Variants in SLC7A6OS observed in about 807,000 individuals in gnomAD.
The protein encoded by SLC7A6OS is solute carrier family 7 member 6 opposite strand.
In SLC7A6OS, 22 loss-of-function variants were observed where a neutral mutation model predicts 34.3. That is an observed-to-expected ratio of 0.64 (90% CI 0.46 to 0.92). SLC7A6OS has a LOEUF of 0.92. Ranked by LOEUF, SLC7A6OS falls within the 40% of genes least tolerant of loss-of-function variation. The pLI is 0.00. For synonymous variants in SLC7A6OS, 199 were observed against 165.0 expected, an observed-to-expected ratio of 1.21 and a Z score of -1.58; for missense variants, 434 against 407.7, an observed-to-expected ratio of 1.06 and a Z score of -0.56.
chr16:68,310,632 C>T lies in SLC7A6OS; in HGVS notation c.193-19G>A. The T allele has an allele frequency of 1.9e-6, 3 of 1,585,674 alleles. No homozygotes were observed. Among genetic ancestry groups the T allele is most frequent in the Non-Finnish European group, 2.6e-6 (3 of 1,162,540 alleles). On this transcript the variant is annotated intron_variant, in intron 1 of 4. Coordinates refer to ENST00000263997, the MANE Select transcript of SLC7A6OS (RefSeq NM_032178.3). ...GTTCCTCCTAGGGGGCAACAGGGGA[C>T]GGAGGCCAGCGTAAGCAGGAGTTCG... is the stretch of plus-strand genomic sequence containing the variant.
chr16:68,302,234 G>T, intron 4 of SLC7A6OS, 147 bp downstream of exon 4: 2 of 850,004 alleles, frequency 2.4e-6, no homozygotes, highest in South Asian at 1.6e-5. Context: ...ACTGGTCTTT[G>T]GGTCTCCTAC....
At position 68,307,613 on chromosome 16, in the gene SLC7A6OS, G is replaced by A. The variant is rs956611592; in HGVS notation, c.471+2722C>T. Among the ~76,000 whole-genome samples the A allele has an allele frequency of 2.0e-5, 3 of 152,066 alleles. No individual in the cohort carries two copies. In the East Asian group the frequency reaches 5.8e-4, roughly 29 times the overall value. Reference sequence around the variant, plus strand: ...AATAAATTTACATATGTAAAACATGGCTCCCATGCCATCCTGTTTTCCAAA... The same window carrying A: ...AATAAATTTACATATGTAAAACATGACTCCCATGCCATCCTGTTTTCCAAA... On this transcript the variant is annotated intron_variant, in intron 2 of 4. Transcript: ENST00000263997.
At position 68,310,407 on chromosome 16, in the gene SLC7A6OS, G is replaced by A. The variant is rs2043454807; in HGVS notation, c.399C>T (p.Asn133=). The change falls in exon 2 of 5, where the codon AAC becomes AAT. Residue 133 remains asparagine (N), a synonymous_variant. Transcript: ENST00000263997. ...CAAGGTCTAACAACTGAAAGCCCGA[G>A]TTCCCGGCGGCTTCTGGGTTCCCCG... ...YTPGNPEAAG[N]SGFQLLDLVH... is the part of the protein sequence containing the mutation. 6.2e-7 allele frequency: 1 copy of A among 1,611,632 alleles called. No homozygotes were observed. Among genetic ancestry groups the A allele is most frequent in the Admixed American group, 1.7e-5 (1 of 59,798 alleles).
intron 4 of SLC7A6OS, 35 bp downstream of exon 4, chr16:68,302,346 C>T: frequency 6.2e-7 from 1 of 1,612,982 alleles, no homozygotes; most frequent in Non-Finnish European, 8.5e-7. Context: ...GTCTCAGATC[C>T]TACCAGTCCC....
intron 2 of SLC7A6OS, among the ~76,000 whole-genome samples, chr16:68,309,228 A>C (rs2043366687): frequency 6.6e-6 from 1 of 151,964 alleles, no homozygotes; most frequent in Non-Finnish European, 1.5e-5. Context: ...CCCAGTAGCT[A>C]GGACTACAAG....
chr16:68,310,496 G>T lies in SLC7A6OS; in HGVS notation c.310C>A (p.Arg104=). The change falls in exon 2 of 5, where the codon CGG becomes AGG. Residue 104 remains arginine (R), a synonymous_variant. Coordinates refer to ENST00000263997, the MANE Select transcript of SLC7A6OS (RefSeq NM_032178.3). ...AREVRQEGRY[R]VLSSRRSLGT... ...AAGGATCGGCGGCTGGAAAGCACCC[G>T]GTAGCGGCCCTCCTGCCGGACCTCC... 1 of 1,587,044 alleles carries T rather than the reference G, an allele frequency of 6.3e-7. No individual in the cohort carries two copies.
chr16:68,301,626 C>G (rs1349631256), intron 4 of SLC7A6OS: 1 of 380,632 alleles, frequency 2.6e-6, no homozygotes, highest in East Asian at 4.4e-5. Flanking sequence ...TGTCACTTCT[C>G]CCCTCCGTGG....
chr16:68,303,354 T>C (rs113330974), intron 3 of SLC7A6OS, among the ~76,000 whole-genome samples: 4 of 151,944 alleles, frequency 2.6e-5, no homozygotes, highest in African/African-American at 7.2e-5. Flanking sequence ...GGTGGATCAC[T>C]TGAGCCCAGG....
At chr16:68,308,602 G>A (rs748729116) in intron 2 of SLC7A6OS, among the ~76,000 whole-genome samples, 1 of 152,134 alleles carries the variant, frequency 6.6e-6, no homozygotes, top group Non-Finnish European at 1.5e-5. Context: ...ACTACAGCCT[G>A]GGCGACAAGG....
Position 68,301,084 on chromosome 16 carries a change from G to GT in SLC7A6OS, c.*190dup, listed in dbSNP as rs1328615207. ...TTGATTGAGGCAAAGGGGTCCTACT[G>GT]TAAGTGGAAAAGACTCACTCCCCTA... On this transcript the variant is annotated 3_prime_UTR_variant, in exon 5 of 5. Coordinates refer to ENST00000263997, the MANE Select transcript of SLC7A6OS (RefSeq NM_032178.3). 1.0e-5 allele frequency: 13 copies of GT among 1,290,230 alleles called. No homozygotes were observed. Among genetic ancestry groups the GT allele is most frequent in the South Asian group, 2.6e-5 (1 of 38,668 alleles). The allele number at this position is 1,290,230 out of a possible 1,614,324, so 79.9% of individuals were successfully genotyped here.
chr16:68,310,590 C>A lies in SLC7A6OS; in HGVS notation c.216G>T (p.Leu72=). The change falls in exon 2 of 5, where the codon CTG becomes CTT. Residue 72 remains leucine, a synonymous_variant. Transcript: ENST00000263997. ...CSQEEPVQPL[L]REVLRPSRDS... is the part of the protein sequence containing the mutation. ...CCCGTGACGGGCGCAGAACTTCCCG[C>A]AGGAGAGGCTGGACTGGTTCCTCCT... 2 of 1,596,108 alleles carry A rather than the reference C, an allele frequency of 1.3e-6. No individual in the cohort carries two copies. Among genetic ancestry groups the A allele is most frequent in the South Asian group, 2.2e-5 (2 of 89,844 alleles).
Position 68,302,500 on chromosome 16 carries a change from A to T in SLC7A6OS, c.680T>A (p.Val227Glu), listed in dbSNP as rs1185387870. 10 of 1,614,060 alleles carry T rather than the reference A, an allele frequency of 6.2e-6. No individual in the cohort carries two copies. The highest frequency in any genetic ancestry group is 8.5e-6 in the Non-Finnish European group (10 of 1,180,004). Residue 227 changes from valine (V) to glutamate (E), a missense_variant and splice_region_variant, in exon 4 of 5, where the codon GTG becomes GAG. Transcript: ENST00000263997. ...GTCCTCTGGTTCTTGATCATCATTC[A>T]CCTACACATCTCAACACAAACATGA... ...VQPYSQEWEL[V>E]NDDQEPEDIY...
chr16:68,307,394 C>T (rs997037709), intron 2 of SLC7A6OS, among the ~76,000 whole-genome samples: 2 of 152,136 alleles, frequency 1.3e-5, no homozygotes, highest in Non-Finnish European at 1.5e-5. Context: ...TTAAAAGGAA[C>T]TGAAGTCCTT....
At position 68,310,534 on chromosome 16, in the gene SLC7A6OS, C is replaced by T. The variant is rs371334923; in HGVS notation, c.272G>A (p.Arg91His). ...CTGCCGGACCTCCCGAGCCGAGGCG[C>T]GGAGATTACGGCGGACACGCTGCTG... ...DSQQRVRRNL[R>H]ASAREVRQEG... The change falls in exon 2 of 5, where the codon CGC becomes CAC. Residue 91 changes from arginine (R) to histidine (H), a missense_variant. Arg to His is a conservative substitution (Grantham distance 29, BLOSUM62 0). Coordinates refer to ENST00000263997, the MANE Select transcript of SLC7A6OS (RefSeq NM_032178.3). 18 of 1,582,498 alleles carry T rather than the reference C, an allele frequency of 1.1e-5. No homozygotes were observed. Among genetic ancestry groups the T allele is most frequent in the Admixed American group, 1.8e-5 (1 of 55,032 alleles).
Position 68,310,845 on chromosome 16 carries a change from T to C in SLC7A6OS, c.82A>G (p.Lys28Glu). ...TCGACCGCGTCGCTCCGGAGGCGTT[T>C]ACAAGCGAGCACAAGAGCCTCCGCC... ...EPAEALVLAC[K>E]RLRSDAVESA... is the part of the protein sequence containing the mutation. The change falls in exon 1 of 5, where the codon AAA becomes GAA. Residue 28 changes from lysine to glutamate, a missense_variant. Transcript: ENST00000263997. The C allele has an allele frequency of 2.5e-6, 4 of 1,613,404 alleles. No homozygotes were observed. The highest frequency in any genetic ancestry group is 3.4e-6 in the Non-Finnish European group (4 of 1,179,906).
chr16:68,300,823 G>C lies in SLC7A6OS; in HGVS notation c.*452C>G. On this transcript the variant is annotated 3_prime_UTR_variant, in exon 5 of 5. Coordinates refer to ENST00000263997, the MANE Select transcript of SLC7A6OS (RefSeq NM_032178.3). ...CTATCCAGTCTGTATTGCTACAAGG[G>C]ACCCACTGGTACCCCTTTTAGATTC... The C allele has an allele frequency of 1.0e-6, 1 of 986,254 alleles. No homozygotes were observed. The highest frequency in any genetic ancestry group is 1.2e-6 in the Non-Finnish European group (1 of 830,582). 61.1% of individuals were successfully genotyped at this position (986,254 alleles called of 1,614,324 possible).
intron 2 of SLC7A6OS, among the ~76,000 whole-genome samples, chr16:68,307,005 C>T (rs1028427312): frequency 6.6e-6 from 1 of 152,132 alleles, no homozygotes; most frequent in Non-Finnish European, 1.5e-5. Context: ...GAGCCCAGCC[C>T]ATATTTTCAG....
chr16:68,299,613 C>A lies in SLC7A6OS; in HGVS notation c.*1662G>T, dbSNP rs1208464830. On this transcript the variant is annotated 3_prime_UTR_variant, in exon 5 of 5. Transcript: ENST00000263997. ...AGTACAGTTTATTAAGTTGTCAGCC[C>A]TTTAATATTGGGGAAACTTAATGAG... The A allele has an allele frequency of 6.6e-6, 1 of 152,162 alleles. No individual in the cohort carries two copies. Among genetic ancestry groups the A allele is most frequent in the African/African-American group, 2.4e-5 (1 of 41,428 alleles). 9.4% of individuals were successfully genotyped at this position (152,162 alleles called of 1,614,324 possible).
intron 2 of SLC7A6OS, among the ~76,000 whole-genome samples, chr16:68,304,766 G>C (rs1031067265): frequency 2.0e-5 from 3 of 152,154 alleles, no homozygotes; most frequent in African/African-American, 7.2e-5. Context: ...ATAGGCTCCT[G>C]CTCTTTTGTG....
Sources: gnomAD v4.1 joint callset for allele counts (sites outside exome capture counted in the v4.1 genomes callset) on GRCh38, gnomAD v4.1.1 for gene constraint, MANE v1.5 for transcripts, NCBI Gene and HGNC (gene_info 2026-07-23, HGNC 2026-07-21) for gene names.